PAN3: variants seen among roughly 807,000 people sequenced by gnomAD.
The protein encoded by PAN3 is poly(A) specific ribonuclease subunit PAN3, also known as PAN2-PAN3 deadenylation complex subunit PAN3.
A neutral mutation model predicts 96.2 loss-of-function variants in PAN3; 19 were observed. The observed-to-expected ratio is 0.20, with a 90% confidence interval of 0.14 to 0.29. PAN3 has a LOEUF of 0.29. PAN3 is among the 10% of genes least tolerant of loss of function. The pLI is 1.00. For synonymous variants in PAN3, 433 were observed against 406.6 expected, an observed-to-expected ratio of 1.06 and a Z score of -0.78; for missense variants, 882 against 1,108.1, an observed-to-expected ratio of 0.80 and a Z score of 2.90.
At chr13:28,260,578 A>G (rs1885615708) in intron 8 of PAN3, 27 bp downstream of exon 8, 1 of 1,524,964 alleles carries the variant, frequency 6.6e-7, no homozygotes. Context: ...CATAGTAGGA[A>G]TACTTAATGT....
At chr13:28,145,884 G>A (rs1035059439) in intron 1 of PAN3, among the ~76,000 whole-genome samples, 2 of 150,184 alleles carry the variant, frequency 1.3e-5, no homozygotes, top group African/African-American at 4.9e-5. Flanking sequence ...CTCATGTCTC[G>A]GCCTCCTGAG....
chr13:28,284,372 C>G (rs1437313932), intron 17 of PAN3, among the ~76,000 whole-genome samples: 1 of 146,686 alleles, frequency 6.8e-6, no homozygotes, highest in Admixed American at 6.7e-5. Context: ...GAGATTCACT[C>G]TTTTTGTGAT....
At chr13:28,232,857 C>A (rs1006082352) in intron 6 of PAN3, among the ~76,000 whole-genome samples, 3 of 151,964 alleles carry the variant, frequency 2.0e-5, no homozygotes, top group Admixed American at 1.3e-4. Context: ...AACCTGTTGA[C>A]AGAAAATAAC....
At chr13:28,154,107 A>C (rs1006142279) in intron 1 of PAN3, among the ~76,000 whole-genome samples, 2 of 152,254 alleles carry the variant, frequency 1.3e-5, no homozygotes, top group Non-Finnish European at 2.9e-5. Context: ...AGCTTCACCC[A>C]AGAACCCAAT....
At chr13:28,242,087 T>G (rs1023928187) in intron 6 of PAN3, among the ~76,000 whole-genome samples, 1 of 152,222 alleles carries the variant, frequency 6.6e-6, no homozygotes, top group African/African-American at 2.4e-5. Flanking sequence ...TAATGAGACT[T>G]TGTCAGAAGA....
chr13:28,229,624 T>C, intron 6 of PAN3, among the ~76,000 whole-genome samples: 1 of 152,226 alleles, frequency 6.6e-6, no homozygotes, highest in East Asian at 1.9e-4. Flanking sequence ...GGTCTTTCTC[T>C]TGCTTCTGAG....
chr13:28,289,048 G>C (rs1405616402), intron 18 of PAN3, among the ~76,000 whole-genome samples: 2 of 151,444 alleles, frequency 1.3e-5, no homozygotes, highest in Admixed American at 6.6e-5. Context: ...GGATGGTCTC[G>C]ATCTCCTGAC....
intron 6 of PAN3, among the ~76,000 whole-genome samples, chr13:28,237,312 G>T (rs1158326132): frequency 2.0e-5 from 3 of 152,120 alleles, no homozygotes; most frequent in Admixed American, 1.3e-4. Context: ...TTGTCAGAAT[G>T]TGGGGAGAAG....
chr13:28,280,353 ATCTTGTTT>A, intron 15 of PAN3, 51 bp from the exon 16 acceptor site: 1 of 1,543,020 alleles, frequency 6.5e-7, no homozygotes, highest in Non-Finnish European at 8.8e-7. Flanking sequence ...TGTTTGGGTT[ATCTTGTTT>A]TTTAAATTGC....
intron 5 of PAN3, among the ~76,000 whole-genome samples, chr13:28,209,296 C>G (rs1454839529): frequency 6.6e-6 from 1 of 152,186 alleles, no homozygotes; most frequent in Non-Finnish European, 1.5e-5. Flanking sequence ...CAGGTTACCA[C>G]CCACAGATAA....
chr13:28,293,382 T>G lies in PAN3; in HGVS notation c.*860T>G, dbSNP rs1443105032. ...GTATTACTTTAGGTTCTTTCCAGTT[T>G]GCTGGTTTTTTTTTTTTTTTTTTTT... On this transcript the variant is annotated 3_prime_UTR_variant, in exon 19 of 19. Coordinates refer to ENST00000380958, the MANE Select transcript of PAN3 (RefSeq NM_175854.8). The G allele has an allele frequency of 1.5e-5, 2 of 131,632 alleles. No individual in the cohort carries two copies. The highest frequency in any genetic ancestry group is 3.2e-5 in the Non-Finnish European group (2 of 61,770). 8.2% of individuals were successfully genotyped at this position (131,632 alleles called of 1,614,324 possible).
chr13:28,147,910 TA>T (rs1870886449), intron 1 of PAN3, among the ~76,000 whole-genome samples: 1 of 152,186 alleles, frequency 6.6e-6, no homozygotes, highest in Non-Finnish European at 1.5e-5. Flanking sequence ...GCTTTTTCTG[TA>T]AAAAATAAAG....
At chr13:28,151,155 A>G (rs1871313378) in intron 1 of PAN3, among the ~76,000 whole-genome samples, 2 of 152,262 alleles carry the variant, frequency 1.3e-5, no homozygotes, top group South Asian at 4.1e-4. Flanking sequence ...GGAGTGAGGA[A>G]CAGGGAAGAA....
At position 28,176,563 on chromosome 13, in the gene PAN3, A is replaced by G; in HGVS notation, c.619+4A>G. The G allele has an allele frequency of 6.2e-7, 1 of 1,612,532 alleles. No homozygotes were observed. The highest frequency in any genetic ancestry group is 8.5e-7 in the Non-Finnish European group (1 of 1,178,538). On this transcript the variant is annotated splice_donor_region_variant and intron_variant, in intron 3 of 18. Transcript: ENST00000380958. ...GCCAAGCCATATTCAGCCCATGGTA[A>G]GACCTGATCCCTTTTGCTTATGTGT... is the stretch of plus-strand genomic sequence containing the variant.
At chr13:28,226,546 A>G (rs112814100) in intron 6 of PAN3, among the ~76,000 whole-genome samples, 3 of 152,218 alleles carry the variant, frequency 2.0e-5, no homozygotes, top group Non-Finnish European at 4.4e-5. Flanking sequence ...AAATTTAGGT[A>G]TAAATGGTGT....
At chr13:28,194,975 T>C (rs1424594550) in intron 4 of PAN3, among the ~76,000 whole-genome samples, 4 of 139,136 alleles carry the variant, frequency 2.9e-5, no homozygotes, top group African/African-American at 4.9e-5. Context: ...TACATACTTA[T>C]TCTTATTCAC....
At chr13:28,291,755 C>T (rs913799523) in intron 18 of PAN3, among the ~76,000 whole-genome samples, 7 of 151,974 alleles carry the variant, frequency 4.6e-5, no homozygotes, top group Admixed American at 6.6e-5. Flanking sequence ...TGCTTGAACC[C>T]GGGAGGCAGA....
chr13:28,224,150 C>T (rs570247834), intron 6 of PAN3, among the ~76,000 whole-genome samples: 95 of 152,224 alleles, frequency 6.2e-4, no homozygotes, highest in African/African-American at 2.2e-3. Flanking sequence ...GGATTACAGG[C>T]GTGAGCAACC....
chr13:28,223,842 A>C (rs1186465277), intron 6 of PAN3, among the ~76,000 whole-genome samples: 1 of 136,630 alleles, frequency 7.3e-6, no homozygotes, highest in Non-Finnish European at 1.6e-5. Context: ...ATAATAGTTT[A>C]TACTTTAATT....
Sources: gnomAD v4.1 joint callset for allele counts (sites outside exome capture counted in the v4.1 genomes callset) on GRCh38, gnomAD v4.1.1 for gene constraint, MANE v1.5 for transcripts, NCBI Gene and HGNC (gene_info 2026-07-23, HGNC 2026-07-21) for gene names.